PLCD4: variants seen among roughly 807,000 people sequenced by gnomAD.
PLCD4 encodes the protein phospholipase C delta 4, also known as 1-phosphatidylinositol 4,5-bisphosphate phosphodiesterase delta-4.
In PLCD4, 63 loss-of-function variants were observed where a neutral mutation model predicts 90.2. The observed-to-expected ratio is 0.70, with a 90% CI of 0.57 to 0.86. The LOEUF (loss-of-function observed/expected upper bound fraction) is 0.86. Ranked by LOEUF, PLCD4 falls within the 40% of genes least tolerant of loss-of-function variation. The pLI is 0.00. For synonymous variants in PLCD4, 294 were observed against 356.5 expected (o/e 0.82, Z 1.97); for missense variants, 830 against 956.3 (o/e 0.87, Z 1.74).
At chr2:218,625,666 G>T (rs576429162) in intron 6 of PLCD4, among the ~76,000 whole-genome samples, 1 of 152,228 alleles carries the variant, frequency 6.6e-6, no homozygotes, top group Non-Finnish European at 1.5e-5. Flanking sequence ...GGGCACAATG[G>T]CTCATGCCTG....
At chr2:218,628,255 C>G in intron 7 of PLCD4, 25 bp downstream of exon 7, 1 of 1,602,590 alleles carries the variant, frequency 6.2e-7, no homozygotes, top group Non-Finnish European at 8.5e-7. Flanking sequence ...GAGAAGGGGT[C>G]CAACTCATGA....
At chr2:218,633,497 G>T in intron 10 of PLCD4, 108 bp from the exon 11 acceptor site, 1 of 1,310,832 alleles carries the variant, frequency 7.6e-7, no homozygotes, top group Non-Finnish European at 1.1e-6. Context: ...GCAGGAGGGA[G>T]AATACAGTGG....
In PLCD4 at chr2:218,630,205, T is replaced by C. The variant is rs1008652209; in HGVS notation, c.1120-445T>C. On this transcript the variant is annotated intron_variant, in intron 8 of 15. Transcript: ENST00000450993. ...AAAAACAAAACAAAACAAAAAACTA[T>C]TACTTCTAACAAGTTCTATCACCCT... Among the ~76,000 whole-genome samples, 7 of 152,268 alleles carry C rather than the reference T, an allele frequency of 4.6e-5. No homozygotes were observed. The Middle Eastern group carries it at 0.01, about 222-fold the overall frequency.
chr2:218,624,665 A>G (rs1333865745), intron 6 of PLCD4, among the ~76,000 whole-genome samples: 3 of 151,162 alleles, frequency 2.0e-5, no homozygotes, highest in East Asian at 1.9e-4. Context: ...GGCTGTAGTA[A>G]GCCGAGATCA....
In PLCD4 at chr2:218,632,230, A is replaced by C; in HGVS notation, c.1367A>C (p.Glu456Ala). The C allele has an allele frequency of 6.2e-7, 1 of 1,611,762 alleles. No homozygotes were observed. Among genetic ancestry groups the C allele is most frequent in the South Asian group, 1.1e-5 (1 of 90,294 alleles). ...EEEEAEPELE[E>A]SELALESQFE... Reference sequence around the variant, plus strand: ...GAGGAAGCAGAACCTGAGTTGGAAGAGTCAGAATTGGCGCTGGAGTCCCAG... The same window carrying C: ...GAGGAAGCAGAACCTGAGTTGGAAGCGTCAGAATTGGCGCTGGAGTCCCAG... Residue 456 changes from glutamate to alanine, a missense_variant, in exon 10 of 16, where the codon GAG (glutamate) becomes GCG (alanine). By Grantham distance (107) the Glu-to-Ala change is moderately radical (BLOSUM62 -1). Transcript: ENST00000450993.
Position 218,634,534 on chromosome 2 carries a change from CTA to C in PLCD4, c.1802_1803del (p.Tyr601CysfsTer9), listed in dbSNP as rs774909248. The C allele has an allele frequency of 6.2e-7, 1 of 1,614,054 alleles. No homozygotes were observed. Among genetic ancestry groups the C allele is most frequent in the Non-Finnish European group, 8.5e-7 (1 of 1,179,902 alleles). On this transcript the variant is annotated frameshift_variant, in exon 13 of 16. Transcript: ENST00000450993. LOFTEE classifies it high-confidence loss of function. The surrounding 1 kb of genome is among the most constrained non-coding windows in gnomAD (Gnocchi z 4.0). ...GHFRQNGGCG[Y>X]VLKPDFLRDI... ...ATTTCCGCCAGAATGGCGGCTGTGG[CTA>C]TGTGCTGAAGCCAGACTTCCTGCGT...
chr2:218,609,697 T>A (rs1435260718), intron 1 of PLCD4: 1 of 152,176 alleles, frequency 6.6e-6, no homozygotes, highest in Non-Finnish European at 1.5e-5. Flanking sequence ...AGGTTCTAAC[T>A]CACATTGTCT....
rs1696629514 is a variant in PLCD4, at chr2:218,634,954, G to A, written c.1896+324G>A. On this transcript the variant is annotated intron_variant, in intron 13 of 15. Coordinates refer to ENST00000450993, the MANE Select transcript of PLCD4 (RefSeq NM_032726.4). This position sits in a 1 kb window ranked among gnomAD's most constrained non-coding sequence, Gnocchi z 4.0. ...GGCACACAGGAAGTGCTATAAAAGA[G>A]GCTGGCTGGGAGCGATAGCTTACAC... 6.6e-6 allele frequency among the ~76,000 whole-genome samples: 1 copy of A among 152,152 alleles called. No homozygotes were observed. Among genetic ancestry groups the A allele is most frequent in the Admixed American group, 6.5e-5 (1 of 15,282 alleles).
chr2:218,632,224 T>C lies in PLCD4; in HGVS notation c.1361T>C (p.Leu454Ser). The C allele has an allele frequency of 6.2e-7, 1 of 1,611,618 alleles. No individual in the cohort carries two copies. Among genetic ancestry groups the C allele is most frequent in the South Asian group, 1.1e-5 (1 of 90,246 alleles). Residue 454 changes from leucine (L) to serine (S), a missense_variant, in exon 10 of 16, where the codon TTG becomes TCG. Transcript: ENST00000450993. The part of the protein sequence containing the change: ...EYEEEEAEPE[L>S]EESELALESQ... ...GAGGAAGAGGAAGCAGAACCTGAGT[T>C]GGAAGAGTCAGAATTGGCGCTGGAG...
At chr2:218,624,922 C>T (rs1221206182) in intron 6 of PLCD4, among the ~76,000 whole-genome samples, 1 of 151,260 alleles carries the variant, frequency 6.6e-6, no homozygotes, top group African/African-American at 2.4e-5. Context: ...AACAGCCTGG[C>T]CTACGTGGTG....
At chr2:218,623,419 A>G (rs1273772412) in intron 6 of PLCD4, among the ~76,000 whole-genome samples, 1 of 152,200 alleles carries the variant, frequency 6.6e-6, no homozygotes, top group African/African-American at 2.4e-5. Flanking sequence ...CCAGTTATTT[A>G]GCTTTTAAGG....
intron 3 of PLCD4, among the ~76,000 whole-genome samples, chr2:218,616,812 GC>G (rs781776766): frequency 6.9e-5 from 10 of 145,944 alleles, no homozygotes; most frequent in Non-Finnish European, 1.5e-4. Flanking sequence ...TGCTTAGTAG[GC>G]TACAAGGACT....
chr2:218,626,491 G>C (rs1350056759), intron 6 of PLCD4, among the ~76,000 whole-genome samples: 2 of 152,172 alleles, frequency 1.3e-5, no homozygotes, highest in Non-Finnish European at 2.9e-5. Context: ...TACAGTTACT[G>C]ATTATGAGAC....
At chr2:218,616,931 GAGAGAGA>G (rs1559264021) in intron 3 of PLCD4, among the ~76,000 whole-genome samples, 1 of 10,086 alleles carries the variant, frequency 9.9e-5, no homozygotes, top group Admixed American at 1.5e-3. Context: ...TATATATAGA[GAGAGAGA>G]GAGAGAGAGA....
At chr2:218,621,218 CA>C (rs1260955965) in intron 4 of PLCD4, among the ~76,000 whole-genome samples, 1 of 152,208 alleles carries the variant, frequency 6.6e-6, no homozygotes, top group Non-Finnish European at 1.5e-5. Context: ...AGGCACGAGC[CA>C]TCGCGTCTGG....
intron 6 of PLCD4, among the ~76,000 whole-genome samples, chr2:218,625,952 C>CAACA (rs1393683285): frequency 6.6e-6 from 1 of 151,688 alleles, no homozygotes; most frequent in Non-Finnish European, 1.5e-5. Flanking sequence ...ACCAACCAAC[C>CAACA]AACAAACAAA....
intron 1 of PLCD4, among the ~76,000 whole-genome samples, chr2:218,609,035 G>A (rs180867052): frequency 0.016 from 2,380 of 151,810 alleles, 62 homozygotes; most frequent in African/African-American, 0.055. Context: ...CCAGCTACTC[G>A]GGAGGCTGAG....
intron 8 of PLCD4, among the ~76,000 whole-genome samples, chr2:218,629,947 G>T (rs868533650): frequency 6.6e-6 from 1 of 152,236 alleles, no homozygotes; most frequent in South Asian, 2.1e-4. Flanking sequence ...GGAGGCCGAG[G>T]CGGGTGGATC....
At chr2:218,615,834 T>C in intron 2 of PLCD4, 70 bp from the exon 3 acceptor site, 1 of 1,604,224 alleles carries the variant, frequency 6.2e-7, no homozygotes, top group Non-Finnish European at 8.5e-7. Context: ...GTTGGACCCC[T>C]GTTCCAGAGC....
Sources: gnomAD v4.1 joint callset for allele counts (sites outside exome capture counted in the v4.1 genomes callset) on GRCh38, gnomAD v4.1.1 for gene constraint, Gnocchi (gnomAD v3.1) non-coding constraint, MANE v1.5 for transcripts, NCBI Gene and HGNC (gene_info 2026-07-23, HGNC 2026-07-21) for gene names.